CNTN5: variants seen among roughly 807,000 people sequenced by gnomAD.
CNTN5 encodes contactin 5, also known as contactin-5.
CNTN5 carries 77 observed loss-of-function variants against 129.1 expected under a neutral mutation model. The ratio of observed to expected loss-of-function variants is 0.60; its 90% CI spans 0.50 to 0.72. CNTN5 has a LOEUF of 0.72. CNTN5 is among the 30% of genes least tolerant of loss of function. The pLI, the probability that CNTN5 is intolerant of heterozygous loss-of-function variation, is 0.00. For missense variants in CNTN5, 1,478 were observed against 1,328.8 expected (o/e 1.11, Z -1.75); for synonymous variants, 509 against 465.6 (o/e 1.09, Z -1.20).
chr11:99,548,861 A>C (rs1484535956), intron 2 of CNTN5, among the ~76,000 whole-genome samples: 1 of 152,114 alleles, frequency 6.6e-6, no homozygotes, highest in African/African-American at 2.4e-5. Context: ...GTCTTTAAGA[A>C]TCTTAAAATT....
At chr11:99,955,721 G>C (rs1237278658) in intron 7 of CNTN5, among the ~76,000 whole-genome samples, 2 of 151,710 alleles carry the variant, frequency 1.3e-5, no homozygotes, top group Non-Finnish European at 2.9e-5. Flanking sequence ...ACCAGGCCCG[G>C]CTAATTTTTT....
In CNTN5 at chr11:99,171,919, GAA is replaced by G. The variant is rs1471198222; in HGVS notation, c.-210+150651_-210+150652del. Among the ~76,000 whole-genome samples the G allele has an allele frequency of 1.1e-4, 16 of 152,206 alleles. No individual in the cohort carries two copies. The East Asian group carries it at 2.9e-3, about 27-fold the overall frequency. On this transcript the variant is annotated intron_variant, in intron 1 of 24. Transcript: ENST00000524871. Reference sequence around the variant, plus strand: ...ACGCGAATTTCATTCAGGAGCAACGGAAAGTTACTTCCGAGCACAGGGACTCA... The same window carrying G: ...ACGCGAATTTCATTCAGGAGCAACGGAGTTACTTCCGAGCACAGGGACTCA...
At chr11:99,224,690 C>T (rs1346119090) in intron 1 of CNTN5, among the ~76,000 whole-genome samples, 5 of 107,752 alleles carry the variant, frequency 4.6e-5, no homozygotes, top group African/African-American at 1.8e-4. Context: ...GACAGTCTTG[C>T]TCTGTCACCC....
chr11:99,272,816 A>G (rs1863237630), intron 1 of CNTN5, among the ~76,000 whole-genome samples: 1 of 151,890 alleles, frequency 6.6e-6, no homozygotes, highest in Non-Finnish European at 1.5e-5. Context: ...ATGTATTAAA[A>G]TTCAAATTAA....
At chr11:99,571,725 G>T (rs1001914665) in intron 3 of CNTN5, among the ~76,000 whole-genome samples, 1 of 152,140 alleles carries the variant, frequency 6.6e-6, no homozygotes, top group African/African-American at 2.4e-5. Context: ...TCATAATGAA[G>T]TATGGGTACA....
At chr11:99,876,730 C>T (rs1948642180) in intron 6 of CNTN5, among the ~76,000 whole-genome samples, 2 of 152,120 alleles carry the variant, frequency 1.3e-5, no homozygotes, top group South Asian at 4.1e-4. Context: ...GCCCCTAAAC[C>T]TTGTAGCAAT....
intron 23 of CNTN5, among the ~76,000 whole-genome samples, chr11:100,347,065 A>T (rs1565443524): frequency 6.6e-6 from 1 of 152,114 alleles, no homozygotes; most frequent in African/African-American, 2.4e-5. Flanking sequence ...CTCCCATAAC[A>T]TGTGGGCATT....
rs1251399998 is a variant in CNTN5 at position 99,921,752 on chromosome 11, T to G, written c.673+5603T>G. ...AGAGTATGAGCTCAAAAATATTTAT[T>G]GAATGAATCTATGTATAATATTCAG... On this transcript the variant is annotated intron_variant, in intron 7 of 24. Coordinates refer to ENST00000524871, the MANE Select transcript of CNTN5 (RefSeq NM_014361.4). Among the ~76,000 whole-genome samples the G allele has an allele frequency of 2.0e-5, 3 of 152,284 alleles. No homozygotes were observed. In the South Asian group the frequency reaches 6.2e-4, roughly 32 times the overall value.
chr11:99,775,909 CATT>C (rs1367478148), intron 3 of CNTN5, among the ~76,000 whole-genome samples: 1 of 151,928 alleles, frequency 6.6e-6, no homozygotes, highest in Non-Finnish European at 1.5e-5. Flanking sequence ...TAAATAAAGA[CATT>C]AGAATATGTG....
At chr11:99,870,292 A>G (rs1226139994) in intron 6 of CNTN5, among the ~76,000 whole-genome samples, 3 of 152,074 alleles carry the variant, frequency 2.0e-5, no homozygotes, top group Admixed American at 2.0e-4. Flanking sequence ...ATTTTGTCCA[A>G]GGAAAAAACA....
chr11:99,043,139 A>AT (rs1240978544), intron 1 of CNTN5, among the ~76,000 whole-genome samples: 6 of 152,204 alleles, frequency 3.9e-5, no homozygotes, highest in Admixed American at 1.3e-4. Flanking sequence ...CGCAAAGCTC[A>AT]TTTTTTAGAA....
intron 23 of CNTN5, among the ~76,000 whole-genome samples, chr11:100,347,017 G>A (rs2139029027): frequency 1.3e-5 from 2 of 152,144 alleles, no homozygotes; most frequent in Middle Eastern, 6.8e-3. Flanking sequence ...GCACGGGAAA[G>A]ACCTGTCCCC....
chr11:99,739,163 T>C (rs925384969), intron 3 of CNTN5, among the ~76,000 whole-genome samples: 2 of 152,136 alleles, frequency 1.3e-5, no homozygotes, highest in Non-Finnish European at 2.9e-5. Context: ...ACTTACCACA[T>C]AGAGCATAAT....
chr11:99,578,335 T>C, intron 3 of CNTN5, among the ~76,000 whole-genome samples: 1 of 151,338 alleles, frequency 6.6e-6, no homozygotes, highest in Non-Finnish European at 1.5e-5. Flanking sequence ...ATCCTTTGGG[T>C]ATATACCCAG....
At chr11:99,254,444 A>G (rs139823567) in intron 1 of CNTN5, among the ~76,000 whole-genome samples, 1 of 152,092 alleles carries the variant, frequency 6.6e-6, no homozygotes, top group East Asian at 1.9e-4. Context: ...TTTTTCTCCA[A>G]TTTGGAAAAT....
intron 3 of CNTN5, among the ~76,000 whole-genome samples, chr11:99,741,032 C>G (rs1467210651): frequency 6.6e-6 from 1 of 152,132 alleles, no homozygotes; most frequent in African/African-American, 2.4e-5. Context: ...TCTAGAAACA[C>G]TTTAGCTCAG....
At chr11:99,900,407 A>G (rs923469620) in intron 6 of CNTN5, among the ~76,000 whole-genome samples, 1 of 151,788 alleles carries the variant, frequency 6.6e-6, no homozygotes, top group Non-Finnish European at 1.5e-5. Context: ...TATCTTTTTG[A>G]TGTATTTCTG....
intron 13 of CNTN5, among the ~76,000 whole-genome samples, chr11:100,134,770 A>AT (rs1319023717): frequency 2.6e-5 from 4 of 152,040 alleles, no homozygotes; most frequent in Non-Finnish European, 5.9e-5. Context: ...AGAAATAAAC[A>AT]TTTTCCCAAA....
intron 8 of CNTN5, among the ~76,000 whole-genome samples, chr11:99,990,784 A>G (rs959384641): frequency 2.6e-5 from 4 of 152,228 alleles, no homozygotes; most frequent in Non-Finnish European, 4.4e-5. Context: ...TCCAAATACT[A>G]TAACATATTT....
Sources: allele counts gnomAD v4.1 joint callset (sites outside exome capture counted in the v4.1 genomes callset), GRCh38; gene constraint gnomAD v4.1.1; transcripts MANE v1.5; gene names NCBI Gene and HGNC (gene_info 2026-07-23, HGNC 2026-07-21).